The following RAB40B variants were observed in gnomAD, a reference collection of about 807,000 sequenced individuals.
RAB40B encodes the protein ras-related protein Rab-40B.
In RAB40B, 21 loss-of-function variants were observed where a neutral mutation model predicts 24.0. The ratio of observed to expected loss-of-function variants is 0.88; its 90% CI spans 0.62 to 1.26. RAB40B has a LOEUF of 1.26. Among genes scored for constraint, RAB40B ranks in the 50% most tolerant of loss-of-function variants. RAB40B has a pLI of 0.00. For synonymous variants in RAB40B, 167 were observed against 169.8 expected, an observed-to-expected ratio of 0.98 and a Z score of 0.13; for missense variants, 348 against 390.5, an observed-to-expected ratio of 0.89 and a Z score of 0.92.
intron 2 of RAB40B, chr17:82,662,144 G>C (rs547846295): frequency 1.0e-6 from 1 of 985,458 alleles, no homozygotes; most frequent in East Asian, 1.1e-4. Flanking sequence ...CCTGTGGTCG[G>C]TGACCACCCT....
At chr17:82,662,149 C>T in intron 2 of RAB40B, 11 of 985,460 alleles carry the variant, frequency 1.1e-5, no homozygotes, top group Non-Finnish European at 1.3e-5. Context: ...GGTCGGTGAC[C>T]ACCCTCAGCA....
intron 1 of RAB40B, among the ~76,000 whole-genome samples, chr17:82,686,892 T>C (rs2046507812): frequency 6.6e-6 from 1 of 151,994 alleles, no homozygotes. Context: ...CTCAGGGGCA[T>C]GGAAGACCCT....
chr17:82,680,797 T>C (rs2247740), intron 1 of RAB40B, among the ~76,000 whole-genome samples: 152,092 of 152,188 alleles, frequency 1, 75,998 homozygotes, highest in Middle Eastern at 1. Context: ...TTTGGAAGGC[T>C]GAGGCAGTTG....
At chr17:82,681,335 C>T (rs2046447593) in intron 1 of RAB40B, among the ~76,000 whole-genome samples, 1 of 152,114 alleles carries the variant, frequency 6.6e-6, no homozygotes, top group Non-Finnish European at 1.5e-5. Context: ...GACAAAAAGG[C>T]AAACGAGAGT....
chr17:82,670,353 T>C (rs2143495127), intron 1 of RAB40B, among the ~76,000 whole-genome samples: 1 of 151,980 alleles, frequency 6.6e-6, no homozygotes, highest in South Asian at 2.1e-4. Flanking sequence ...CCAAGCTAAT[T>C]TGTGTACTTT....
At chr17:82,666,249 ATTTT>A (rs34212418) in intron 1 of RAB40B, among the ~76,000 whole-genome samples, 39,937 of 146,834 alleles carry the variant, frequency 0.27, 5,854 homozygotes, top group Middle Eastern at 0.44. Context: ...GCCACAATAC[ATTTT>A]TTTTTTTTGA....
rs1018031940 is a variant in RAB40B, at chr17:82,667,598, C to T, written c.143-3042G>A. 6.6e-6 allele frequency among the ~76,000 whole-genome samples: 1 copy of T among 152,152 alleles called. No homozygotes were observed. Among genetic ancestry groups the T allele is most frequent in the Non-Finnish European group, 1.5e-5 (1 of 68,032 alleles). ...ACCAGAGCCCCAGAGACATGGAGTC[C>T]AGGCTTCCCGCATCCTCCTCTGTCT... On this transcript the variant is annotated intron_variant, in intron 1 of 5. Transcript: ENST00000571995. The surrounding 1 kb of genome is among the most constrained non-coding windows in gnomAD (Gnocchi z 4.3).
rs907552622 is a variant in RAB40B, at chr17:82,664,438, C to T, written c.203+58G>A. On this transcript the variant is annotated intron_variant, in intron 2 of 5. Transcript: ENST00000571995. ...CACTGTGCTGACAGGGGGTGCTATGCCAGCCAGGGGGGTTACTCCCTGGGG... is the reference window on the plus strand; with the variant it reads ...CACTGTGCTGACAGGGGGTGCTATGTCAGCCAGGGGGGTTACTCCCTGGGG... The T allele has an allele frequency of 5.1e-6, 8 of 1,562,760 alleles. No individual in the cohort carries two copies. The Admixed American group carries it at 1.4e-4, about 27-fold the overall frequency.
In RAB40B at chr17:82,662,671, G is replaced by C. The variant is rs948645292; in HGVS notation, c.204-1624C>G. 1.7e-5 allele frequency: 17 copies of C among 985,318 alleles called. No homozygotes were observed. In the African/African-American group the frequency reaches 3.0e-4, roughly 17 times the overall value. 61.0% of individuals were successfully genotyped at this position (985,318 alleles called of 1,614,324 possible). ...GACAGAGCTGGCACCGGCACCACAG[G>C]AGAGCAGCCTCAGGGTCCTGCTGGG... On this transcript the variant is annotated intron_variant, in intron 2 of 5. Transcript: ENST00000571995.
At chr17:82,659,348 C>G in intron 4 of RAB40B, 1 of 542,774 alleles carries the variant, frequency 1.8e-6, no homozygotes, top group Admixed American at 3.3e-5. Context: ...ACGCCGTGGA[C>G]GCTCGTTTCG....
chr17:82,693,775 G>C (rs1025736467), intron 1 of RAB40B, among the ~76,000 whole-genome samples: 1 of 152,086 alleles, frequency 6.6e-6, no homozygotes, highest in East Asian at 1.9e-4. Flanking sequence ...ACGGGGGCCA[G>C]AGACACAGTC....
At chr17:82,676,169 C>G (rs1196359269) in intron 1 of RAB40B, among the ~76,000 whole-genome samples, 1 of 152,180 alleles carries the variant, frequency 6.6e-6, no homozygotes, top group Non-Finnish European at 1.5e-5. Flanking sequence ...GCACCTGCTG[C>G]CAGCAGTCCA....
chr17:82,676,937 A>AGTTT (rs2046400528), intron 1 of RAB40B, among the ~76,000 whole-genome samples: 1 of 144,356 alleles, frequency 6.9e-6, no homozygotes, highest in Admixed American at 6.9e-5. Flanking sequence ...GTAGCCTACT[A>AGTTT]ATTTATTTAT....
At chr17:82,662,025 C>T (rs1483312047) in intron 2 of RAB40B, 1 of 985,432 alleles carries the variant, frequency 1.0e-6, no homozygotes, top group Non-Finnish European at 1.2e-6. Flanking sequence ...AACACACCTA[C>T]ATCAATGGGA....
chr17:82,659,228 G>A (rs965862064), intron 4 of RAB40B: 2 of 317,204 alleles, frequency 6.3e-6, no homozygotes, highest in South Asian at 4.1e-5. Context: ...ATTGCCAGGC[G>A]GGCTGGTCTG....
chr17:82,682,010 T>A (rs1029725586), intron 1 of RAB40B, among the ~76,000 whole-genome samples: 8 of 151,998 alleles, frequency 5.3e-5, no homozygotes, highest in African/African-American at 1.9e-4. Flanking sequence ...CAATTCAATA[T>A]CATTTTGGAA....
intron 1 of RAB40B, among the ~76,000 whole-genome samples, chr17:82,682,522 C>T (rs1326046722): frequency 6.6e-6 from 1 of 152,148 alleles, no homozygotes; most frequent in African/African-American, 2.4e-5. Flanking sequence ...AATCAAAAAT[C>T]CTAGCAGGAC....
chr17:82,662,224 G>T, intron 2 of RAB40B: 1 of 985,510 alleles, frequency 1.0e-6, no homozygotes, highest in Non-Finnish European at 1.2e-6. Flanking sequence ...AAGCCTAGGA[G>T]TGAGTGCCTC....
chr17:82,687,778 C>T (rs2046516613), intron 1 of RAB40B, among the ~76,000 whole-genome samples: 1 of 152,194 alleles, frequency 6.6e-6, no homozygotes, highest in South Asian at 2.1e-4. Context: ...GCCTTCAAGA[C>T]TTTACGCCCC....
Sources: allele counts gnomAD v4.1 joint callset (sites outside exome capture counted in the v4.1 genomes callset), GRCh38; gene constraint gnomAD v4.1.1; non-coding constraint Gnocchi (gnomAD v3.1); transcripts MANE v1.5; gene names NCBI Gene and HGNC (gene_info 2026-07-23, HGNC 2026-07-21).